DMXL1: variants seen among roughly 807,000 people sequenced by gnomAD.
DMXL1 encodes the protein dmX-like protein 1.
Under a neutral mutation model 319.2 loss-of-function variants are expected in DMXL1, and 99 were observed. The ratio of observed to expected loss-of-function variants is 0.31; its 90% CI spans 0.26 to 0.37. The LOEUF is 0.37. DMXL1 is among the 10% of genes least tolerant of loss of function. DMXL1 has a pLI of 1.00. For synonymous variants in DMXL1, 1,385 were observed against 1,235.2 expected, an observed-to-expected ratio of 1.12 and a Z score of -2.54; for missense variants, 3,745 against 3,595.6, an observed-to-expected ratio of 1.04 and a Z score of -1.06.
intron 32 of DMXL1, among the ~76,000 whole-genome samples, chr5:119,201,972 A>G (rs1780785493): frequency 6.6e-6 from 1 of 151,898 alleles, no homozygotes; most frequent in African/African-American, 2.4e-5. Flanking sequence ...CTTTTTTATT[A>G]GTCTAGCTGG....
chr5:119,128,037 A>G (rs1183826390), intron 9 of DMXL1: 2 of 433,234 alleles, frequency 4.6e-6, no homozygotes, highest in African/African-American at 4.1e-5. Flanking sequence ...TTCTCCATTT[A>G]GGTGGTCCTC....
intron 1 of DMXL1, among the ~76,000 whole-genome samples, chr5:119,075,469 C>T (rs574068376): frequency 6.6e-6 from 1 of 151,946 alleles, no homozygotes; most frequent in South Asian, 2.1e-4. Context: ...GAACTCCTCA[C>T]CTCAAATGAT....
In DMXL1 at chr5:119,122,868, C is replaced by G. The variant is rs1448203670; in HGVS notation, c.1102+1729C>G. Among the ~76,000 whole-genome samples, 6 of 150,726 alleles carry G rather than the reference C, an allele frequency of 4.0e-5. 1 individual carries two copies. The highest frequency in any genetic ancestry group is 8.9e-5 in the Non-Finnish European group (6 of 67,124). ...CCTCACATCCCAGACGATGGGCGGC[C>G]AGGCAGAGACGCTCCTTACTTCCCA... On this transcript the variant is annotated intron_variant, in intron 9 of 43. Coordinates refer to ENST00000539542, the MANE Select transcript of DMXL1 (RefSeq NM_001290321.3).
intron 13 of DMXL1, among the ~76,000 whole-genome samples, chr5:119,135,740 G>C (rs561453973): frequency 6.6e-6 from 1 of 152,320 alleles, no homozygotes; most frequent in South Asian, 2.1e-4. Context: ...TGAAGAAGGT[G>C]CTTGCTTCTC....
intron 19 of DMXL1, chr5:119,154,769 G>C (rs1396480427): frequency 6.6e-6 from 1 of 152,616 alleles, no homozygotes; most frequent in Non-Finnish European, 1.5e-5. Flanking sequence ...AAAGTACATG[G>C]AACAGCCTTC....
At chr5:119,202,027 A>G (rs1035735459) in intron 32 of DMXL1, among the ~76,000 whole-genome samples, 1 of 152,000 alleles carries the variant, frequency 6.6e-6, no homozygotes, top group African/African-American at 2.4e-5. Context: ...CAACTCCTGG[A>G]TTCGTTGATC....
Position 119,147,422 on chromosome 5 carries a change from T to C in DMXL1, c.2863T>C (p.Leu955=), listed in dbSNP as rs775529241. ...TTCAGAAATGGTTTATAGCCAAGAA[T>C]TGCATTTACCAGAAGGAGTTGAGAT... ...LFSEMVYSQE[L]HLPEGVEIIS... Residue 955 remains leucine (L), a synonymous_variant, in exon 17 of 44, where the codon TTG becomes CTG. Transcript: ENST00000539542. The C allele has an allele frequency of 6.8e-6, 11 of 1,613,398 alleles. No homozygotes were observed. Among genetic ancestry groups the C allele is most frequent in the African/African-American group, 1.3e-5 (1 of 74,894 alleles).
chr5:119,242,419 T>C (rs1561953493), intron 42 of DMXL1, among the ~76,000 whole-genome samples: 1 of 152,182 alleles, frequency 6.6e-6, no homozygotes, highest in Non-Finnish European at 1.5e-5. Context: ...TAACAAAATA[T>C]GTACAGGGTG....
intron 29 of DMXL1, among the ~76,000 whole-genome samples, chr5:119,191,764 A>C (rs887362154): frequency 1.3e-5 from 2 of 152,210 alleles, no homozygotes; most frequent in African/African-American, 4.8e-5. Context: ...CTGGCAGGGC[A>C]TCAGAACTCA....
Position 119,134,160 on chromosome 5 carries a change from A to G in DMXL1, c.2236A>G (p.Ile746Val), listed in dbSNP as rs1363042512. The change falls in exon 12 of 44, where the codon ATA (isoleucine) becomes GTA (valine). Residue 746 changes from isoleucine (I) to valine (V), a missense_variant. Physicochemically the swap from Ile to Val is conservative, Grantham distance 29. Coordinates refer to ENST00000539542, the MANE Select transcript of DMXL1 (RefSeq NM_001290321.3). ...FSNVAWLPTL[I>V]PSYCLGAYCN... The stretch of plus-strand genomic sequence containing the variant: ...CAATGTGGCATGGCTGCCCACTCTT[A>G]TACCCAGTTATTGTCTGGGTAAGTA... The G allele has an allele frequency of 6.2e-7, 1 of 1,613,578 alleles. No homozygotes were observed. The highest frequency in any genetic ancestry group is 1.3e-5 in the African/African-American group (1 of 74,976).
intron 39 of DMXL1, among the ~76,000 whole-genome samples, chr5:119,235,451 T>C (rs1267773398): frequency 1.3e-5 from 2 of 151,988 alleles, no homozygotes; most frequent in Non-Finnish European, 2.9e-5. Context: ...TAGTTGAAAA[T>C]CAGGTTTGTT....
intron 19 of DMXL1, among the ~76,000 whole-genome samples, chr5:119,157,813 A>T (rs1771435542): frequency 6.6e-6 from 1 of 152,152 alleles, no homozygotes; most frequent in Admixed American, 6.5e-5. Context: ...GTTTCTTGGT[A>T]TTCCTAATGA....
chr5:119,110,936 G>A (rs989493505), intron 5 of DMXL1, among the ~76,000 whole-genome samples: 39 of 152,072 alleles, frequency 2.6e-4, no homozygotes, highest in Admixed American at 1.3e-4. Flanking sequence ...TTACAGGCAC[G>A]CGCCACCACA....
intron 37 of DMXL1, among the ~76,000 whole-genome samples, chr5:119,222,415 A>C (rs1239999339): frequency 6.6e-6 from 1 of 152,202 alleles, no homozygotes; most frequent in Admixed American, 6.5e-5. Context: ...AGTGGTGGTT[A>C]AATAATTTTT....
intron 32 of DMXL1, among the ~76,000 whole-genome samples, chr5:119,202,875 A>ATATATT (rs1201321568): frequency 9.8e-5 from 11 of 111,882 alleles, no homozygotes; most frequent in African/African-American, 3.6e-4. Flanking sequence ...ATATATATAT[A>ATATATT]TATATATTTT....
At chr5:119,242,420 G>A (rs1471077791) in intron 42 of DMXL1, among the ~76,000 whole-genome samples, 1 of 152,174 alleles carries the variant, frequency 6.6e-6, no homozygotes, top group African/African-American at 2.4e-5. Context: ...AACAAAATAT[G>A]TACAGGGTGT....
rs988147154 is a variant in DMXL1, at chr5:119,210,725, A to G, written c.7926+3829A>G. ...GTATTGTAAGTCATTCAAATATATT[A>G]TTCTTCTAAGTTCTTTTTTCTTTTT... On this transcript the variant is annotated intron_variant, in intron 34 of 43. Coordinates refer to ENST00000539542, the MANE Select transcript of DMXL1 (RefSeq NM_001290321.3). Among the ~76,000 whole-genome samples the G allele has an allele frequency of 4.0e-5, 4 of 101,152 alleles. No individual in the cohort carries two copies. The East Asian group carries it at 1.2e-3, about 31-fold the overall frequency. 66.4% of individuals were successfully genotyped at this position (101,152 alleles called of 152,430 possible).
chr5:119,234,419 C>T (rs1485521160), intron 39 of DMXL1, among the ~76,000 whole-genome samples: 1 of 152,146 alleles, frequency 6.6e-6, no homozygotes, highest in East Asian at 1.9e-4. Flanking sequence ...CCTTTTCTTT[C>T]CCCTCAGCCT....
chr5:119,213,336 T>C (rs2150530757), intron 34 of DMXL1, among the ~76,000 whole-genome samples: 2 of 152,162 alleles, frequency 1.3e-5, no homozygotes, highest in East Asian at 3.9e-4. Context: ...CAGAGTGAAC[T>C]GTTACCCTTT....
Sources: gnomAD v4.1 joint callset for allele counts (sites outside exome capture counted in the v4.1 genomes callset) on GRCh38, gnomAD v4.1.1 for gene constraint, MANE v1.5 for transcripts, NCBI Gene and HGNC (gene_info 2026-07-23, HGNC 2026-07-21) for gene names.